CTNNA2: variants seen among roughly 807,000 people sequenced by gnomAD.
The protein encoded by CTNNA2 is catenin alpha 2, also known as catenin alpha-2.
CTNNA2 carries 42 observed loss-of-function variants against 101.0 expected under a neutral mutation model. The ratio of observed to expected loss-of-function variants is 0.42; its 90% CI spans 0.32 to 0.54. The LOEUF (loss-of-function observed/expected upper bound fraction) is 0.54, where lower values mean the gene tolerates loss of function less well. Among genes scored for constraint, CTNNA2 ranks in the 20% least tolerant of loss-of-function variants. The pLI is 0.14. For missense variants in CTNNA2, 871 were observed against 1,223.1 expected (o/e 0.71, Z 4.29); for synonymous variants, 450 against 456.4 (o/e 0.99, Z 0.18).
At chr2:79,668,014 G>T (rs545609391) in intron 2 of CTNNA2, among the ~76,000 whole-genome samples, 45 of 151,020 alleles carry the variant, frequency 3.0e-4, no homozygotes, top group South Asian at 3.0e-3. Flanking sequence ...GCCGAGGCGG[G>T]TGGATCATGA....
In CTNNA2 at chr2:79,306,032, C is replaced by T. The variant is rs1281117170; in HGVS notation, c.-405-6677C>T. Among the ~76,000 whole-genome samples the T allele has an allele frequency of 3.7e-4, 50 of 135,436 alleles. 1 individual carries two copies. The highest frequency in any genetic ancestry group is 2.1e-4 in the East Asian group (1 of 4,784). 88.9% of individuals were successfully genotyped at this position (135,436 alleles called of 152,430 possible). On this transcript the variant is annotated intron_variant, in intron 2 of 21. Transcript: ENST00000466387. ...CTGCACTCCAGCCTGGGCAACAGAGCGAGACACCATTTCAAAAAAAAAAAA... is the reference window on the plus strand; with the variant it reads ...CTGCACTCCAGCCTGGGCAACAGAGTGAGACACCATTTCAAAAAAAAAAAA...
At chr2:80,394,242 G>A (rs971590132) in intron 8 of CTNNA2, among the ~76,000 whole-genome samples, 4 of 152,202 alleles carry the variant, frequency 2.6e-5, no homozygotes, top group Non-Finnish European at 5.9e-5. Flanking sequence ...ATTAGCAAGA[G>A]GCCTGGGCGA....
At chr2:79,463,886 T>A (rs143873211) in intron 4 of CTNNA2, among the ~76,000 whole-genome samples, 1 of 152,206 alleles carries the variant, frequency 6.6e-6, no homozygotes, top group African/African-American at 2.4e-5. Flanking sequence ...CACTATAGAA[T>A]GGTAGAAAAG....
chr2:79,503,396 G>A (rs977216861), intron 4 of CTNNA2, among the ~76,000 whole-genome samples: 5 of 152,086 alleles, frequency 3.3e-5, no homozygotes, highest in African/African-American at 1.2e-4. Context: ...AAGGCCTTTG[G>A]CGTGTCATAT....
At chr2:80,619,727 A>C (rs1054771368) in intron 18 of CTNNA2, among the ~76,000 whole-genome samples, 1 of 151,898 alleles carries the variant, frequency 6.6e-6, no homozygotes, top group African/African-American at 2.4e-5. Context: ...TTAACAAATA[A>C]AAGCTTTCTA....
chr2:80,606,367 AACACACACACACACACACACAC>A (rs67402125), intron 16 of CTNNA2, among the ~76,000 whole-genome samples: 6 of 137,422 alleles, frequency 4.4e-5, no homozygotes, highest in South Asian at 4.9e-4. Flanking sequence ...AAACACATCA[AACACACACACACACACACACAC>A]ACACACACAC....
intron 1 of CTNNA2, among the ~76,000 whole-genome samples, chr2:79,636,122 T>C (rs1042990499): frequency 7.1e-6 from 1 of 141,172 alleles, no homozygotes; most frequent in Admixed American, 7.0e-5. Context: ...AAAAAAAAAT[T>C]AGCCGGGCGT....
intron 7 of CTNNA2, among the ~76,000 whole-genome samples, chr2:80,043,167 TTCCTTCCTTCCTTC>T (rs1696281187): frequency 9.1e-6 from 1 of 110,460 alleles, no homozygotes; most frequent in Non-Finnish European, 1.8e-5. Context: ...CCTTCCTTCC[TTCCTTCCTTCCTTC>T]CTTTCTTTCT....
At chr2:80,619,022 CTTTT>C in intron 17 of CTNNA2, 59 bp from the exon 18 acceptor site, 1 of 888,900 alleles carries the variant, frequency 1.1e-6, no homozygotes, top group Non-Finnish European at 1.5e-6. Flanking sequence ...AAGTAGGGTA[CTTTT>C]TTTTTTTTTC....
At chr2:80,379,514 T>C (rs1205287198) in intron 7 of CTNNA2, among the ~76,000 whole-genome samples, 2 of 152,164 alleles carry the variant, frequency 1.3e-5, no homozygotes, top group Admixed American at 1.3e-4. Flanking sequence ...TAGTGACTAA[T>C]TCACTGGGAA....
At chr2:80,065,386 G>T (rs1697914375) in intron 7 of CTNNA2, among the ~76,000 whole-genome samples, 1 of 149,428 alleles carries the variant, frequency 6.7e-6, no homozygotes, top group African/African-American at 2.5e-5. Context: ...TTGAGATGGA[G>T]TCTTGCTCTG....
intron 7 of CTNNA2, among the ~76,000 whole-genome samples, chr2:80,268,763 G>C (rs1673214615): frequency 6.6e-6 from 1 of 152,110 alleles, no homozygotes; most frequent in Middle Eastern, 3.2e-3. Flanking sequence ...ACTCTGAGGA[G>C]ACCACAACAT....
intron 1 of CTNNA2, among the ~76,000 whole-genome samples, chr2:79,562,344 T>G (rs915239521): frequency 6.6e-6 from 1 of 152,044 alleles, no homozygotes; most frequent in African/African-American, 2.4e-5. Flanking sequence ...AAATAACTCT[T>G]TTATTCTTAA....
At chr2:80,543,559 G>C (rs553008856) in intron 9 of CTNNA2, among the ~76,000 whole-genome samples, 1 of 152,126 alleles carries the variant, frequency 6.6e-6, no homozygotes, top group South Asian at 2.1e-4. Flanking sequence ...TACACTAATG[G>C]TTTATTGAAG....
rs1678844025 is a variant in CTNNA2 at position 79,830,461 on chromosome 2, G to A, written c.299-27552G>A. Among the ~76,000 whole-genome samples the A allele has an allele frequency of 2.6e-5, 4 of 152,146 alleles. No homozygotes were observed. In the South Asian group the frequency reaches 8.3e-4, roughly 32 times the overall value. ...GTGGATGCCTAAAAGGAGAAGTGGA[G>A]TGGGCTAAAAAAAATTTCAAAAACA... On this transcript the variant is annotated intron_variant, in intron 3 of 18. Coordinates refer to ENST00000402739, the MANE Select transcript of CTNNA2 (RefSeq NM_001282597.3).
intron 9 of CTNNA2, among the ~76,000 whole-genome samples, chr2:80,422,518 T>C (rs1680624684): frequency 6.6e-6 from 1 of 152,194 alleles, no homozygotes. Flanking sequence ...TTTTGTGATT[T>C]CTGGATCTCA....
chr2:79,966,133 C>T (rs1690040237), intron 7 of CTNNA2, among the ~76,000 whole-genome samples: 1 of 152,024 alleles, frequency 6.6e-6, no homozygotes, highest in Admixed American at 6.6e-5. Flanking sequence ...CATATTCAAA[C>T]AGGCAGGTAT....
intron 7 of CTNNA2, among the ~76,000 whole-genome samples, chr2:80,207,054 T>G (rs1707577055): frequency 6.6e-6 from 1 of 152,194 alleles, no homozygotes; most frequent in Non-Finnish European, 1.5e-5. Context: ...CTTTGCTTAC[T>G]TATAGTCTCT....
At position 80,082,256 on chromosome 2, in the gene CTNNA2, T is replaced by C. The variant is rs575952463; in HGVS notation, c.1056+172459T>C. On this transcript the variant is annotated intron_variant, in intron 7 of 18. Coordinates refer to ENST00000402739, the MANE Select transcript of CTNNA2 (RefSeq NM_001282597.3). ...CTATTTTTGGTGGTTTCGTTTATTTTGGTTTCTTGTTTTCCATTCTTTTAA... is the reference window on the plus strand; with the variant it reads ...CTATTTTTGGTGGTTTCGTTTATTTCGGTTTCTTGTTTTCCATTCTTTTAA... 4.6e-5 allele frequency among the ~76,000 whole-genome samples: 7 copies of C among 152,326 alleles called. No homozygotes were observed. In the South Asian group the frequency reaches 1.5e-3, roughly 32 times the overall value.
Sources: allele counts gnomAD v4.1 joint callset (sites outside exome capture counted in the v4.1 genomes callset), GRCh38; gene constraint gnomAD v4.1.1; transcripts MANE v1.5; gene names NCBI Gene and HGNC (gene_info 2026-07-23, HGNC 2026-07-21).